The following CFAP58 variants were observed in gnomAD, a reference collection of about 807,000 sequenced individuals.
The protein encoded by CFAP58 is cilia- and flagella-associated protein 58.
Under a neutral mutation model 119.5 loss-of-function variants are expected in CFAP58, and 88 were observed. That is an observed-to-expected ratio of 0.74 (90% CI 0.62 to 0.88). The LOEUF is 0.88. Among genes scored for constraint, CFAP58 ranks in the 40% least tolerant of loss-of-function variants. The pLI, the probability that CFAP58 is intolerant of heterozygous loss-of-function variation, is 0.00. For synonymous variants in CFAP58, 365 were observed against 366.3 expected, an observed-to-expected ratio of 1.00 and a Z score of 0.04; for missense variants, 990 against 1,021.2, an observed-to-expected ratio of 0.97 and a Z score of 0.42.
intron 3 of CFAP58, among the ~76,000 whole-genome samples, chr10:104,364,322 G>T (rs1044935674): frequency 1.3e-5 from 2 of 151,804 alleles, no homozygotes; most frequent in African/African-American, 4.8e-5. Context: ...ACAAATTCAA[G>T]TAATACAGAG....
the CFAP58 span, among the ~76,000 whole-genome samples, chr10:104,345,390 G>T: frequency 3.3e-5 from 5 of 152,018 alleles, no homozygotes; most frequent in African/African-American, 1.2e-4. Context: ...TGGGATCTTG[G>T]TGTGTACTTG....
At position 104,439,011 on chromosome 10, in the gene CFAP58, A is replaced by G. The variant is rs144312681; in HGVS notation, c.2257-8687A>G. 3.9e-3 allele frequency among the ~76,000 whole-genome samples: 592 copies of G among 152,366 alleles called. 5 individuals carry two copies. The highest frequency in any genetic ancestry group is 0.013 in the African/African-American group (547 of 41,584). ...TTATTGAGGAAAACAAGCAAGCCAA[A>G]GAAAACTAGATACACTCAGATATAT... On this transcript the variant is annotated intron_variant, in intron 15 of 17. Transcript: ENST00000369704.
intron 15 of CFAP58, among the ~76,000 whole-genome samples, chr10:104,438,334 GTTTTTTGTTTTTTGTTTTTT>G (rs1456662078): frequency 1.4e-4 from 16 of 111,360 alleles, no homozygotes; most frequent in African/African-American, 4.7e-4. Flanking sequence ...TTGTTTTTTT[GTTTTTTGTTTTTTGTTTTTT>G]TTTTTTGTTT....
rs2014603541 is a variant in CFAP58 at position 104,357,971 on chromosome 10, A to G, written c.10-370A>G. Among the ~76,000 whole-genome samples, 2 of 62,674 alleles carry G rather than the reference A, an allele frequency of 3.2e-5. 1 individual carries two copies. The allele number at this position is 62,674 out of a possible 152,430, so 41.1% of individuals were successfully genotyped here. ...CACATATATACACATATATGTACAC[A>G]TATGTACATATGTACACATATATGT... On this transcript the variant is annotated intron_variant, in intron 1 of 17. Transcript: ENST00000369704.
intron 7 of CFAP58, among the ~76,000 whole-genome samples, chr10:104,376,269 G>A (rs942675735): frequency 1.3e-5 from 2 of 151,614 alleles, no homozygotes; most frequent in Non-Finnish European, 2.9e-5. Flanking sequence ...TGACTCCCCA[G>A]ACCTCTTAGA....
At chr10:104,424,253 G>C (rs1395177168) in intron 15 of CFAP58, among the ~76,000 whole-genome samples, 1 of 152,120 alleles carries the variant, frequency 6.6e-6, no homozygotes, top group South Asian at 2.1e-4. Context: ...CTCTGGAGCC[G>C]GTGCCAAATC....
rs71022730 is a variant in CFAP58 at position 104,374,453 on chromosome 10, G to GAA, written c.1091-2330_1091-2329dup. Among the ~76,000 whole-genome samples, 122 of 30,708 alleles carry GAA rather than the reference G, an allele frequency of 4.0e-3. 2 individuals are homozygous for GAA. Among genetic ancestry groups the GAA allele is most frequent in the Middle Eastern group, 0.028 (1 of 36 alleles). The allele number at this position is 30,708 out of a possible 152,430, so 20.1% of individuals were successfully genotyped here. A position where few individuals can be genotyped will look rare whatever the true frequency, so the allele number is the denominator to read the frequency against. On this transcript the variant is annotated intron_variant, in intron 7 of 17. Coordinates refer to ENST00000369704, the MANE Select transcript of CFAP58 (RefSeq NM_001008723.2). ...GTGACAGAGCGAGACCTTGTTTCAG[G>GAA]AAAAAAAAAAAAAAAAAAAAAAAAA...
At chr10:104,405,839 A>T (rs2012349323) in intron 14 of CFAP58, among the ~76,000 whole-genome samples, 1 of 152,198 alleles carries the variant, frequency 6.6e-6, no homozygotes, top group South Asian at 2.1e-4. Flanking sequence ...GGCTGGGCAC[A>T]GTGGCTCACA....
At position 104,453,761 on chromosome 10, in the gene CFAP58, A is replaced by AGTGTGTGTGTGTGT. The variant is rs56666132; in HGVS notation, c.2511-638_2511-625dup. Among the ~76,000 whole-genome samples, 987 of 138,904 alleles carry AGTGTGTGTGTGTGT rather than the reference A, an allele frequency of 7.1e-3. 4 individuals carry two copies. Among genetic ancestry groups the AGTGTGTGTGTGTGT allele is most frequent in the African/African-American group, 0.011 (413 of 37,322 alleles). 91.1% of individuals were successfully genotyped at this position (138,904 alleles called of 152,430 possible). A position where few individuals can be genotyped will look rare whatever the true frequency, so the allele number is the denominator to read the frequency against. ...TACTTCTGCAGGAAACATGAATATG[A>AGTGTGTGTGTGTGT]GTGTGTGTGTGTGTGTGTGTGTGTG... On this transcript the variant is annotated intron_variant, in intron 17 of 17. Coordinates refer to ENST00000369704, the MANE Select transcript of CFAP58 (RefSeq NM_001008723.2).
intron 12 of CFAP58, 30 bp downstream of exon 12, chr10:104,399,530 C>A (rs750819066): frequency 2.5e-6 from 4 of 1,607,396 alleles, no homozygotes; most frequent in African/African-American, 2.7e-5. Flanking sequence ...GACTTGCAGA[C>A]CTTGTCAACA....
intron 15 of CFAP58, among the ~76,000 whole-genome samples, chr10:104,419,767 A>G (rs1015280524): frequency 6.6e-6 from 1 of 152,166 alleles, no homozygotes; most frequent in Non-Finnish European, 1.5e-5. Context: ...GGGAGATTAT[A>G]TTAACATATA....
chr10:104,451,115 C>T (rs748138974), intron 17 of CFAP58, among the ~76,000 whole-genome samples: 12 of 152,230 alleles, frequency 7.9e-5, no homozygotes, highest in Non-Finnish European at 1.6e-4. Context: ...GGTTTGGCTG[C>T]GTGACATTGC....
chr10:104,412,579 G>A (rs1297767306), intron 15 of CFAP58, among the ~76,000 whole-genome samples: 3 of 152,184 alleles, frequency 2.0e-5, no homozygotes, highest in Non-Finnish European at 4.4e-5. Context: ...TATTAGAGAA[G>A]TTCTCTGTAC....
intron 11 of CFAP58, among the ~76,000 whole-genome samples, chr10:104,398,957 G>A (rs61861168): frequency 0.15 from 23,109 of 152,046 alleles, 1,968 homozygotes; most frequent in Middle Eastern, 0.32. Flanking sequence ...GCCATTACAG[G>A]AGCTGGTACA....
At chr10:104,441,893 T>C (rs11192057) in intron 15 of CFAP58, among the ~76,000 whole-genome samples, 1,836 of 152,302 alleles carry the variant, frequency 0.012, 19 homozygotes, top group Middle Eastern at 0.031. Context: ...AGCTGACATC[T>C]TCGTTATAAA....
chr10:104,354,581 TC>T (rs2014515568), intron 1 of CFAP58, among the ~76,000 whole-genome samples: 1 of 151,912 alleles, frequency 6.6e-6, no homozygotes, highest in South Asian at 2.1e-4. Context: ...GAGCCTCGGG[TC>T]CCTGTCATTA....
At chr10:104,357,817 A>G (rs547023713) in intron 1 of CFAP58, among the ~76,000 whole-genome samples, 2 of 147,810 alleles carry the variant, frequency 1.4e-5, no homozygotes, top group East Asian at 2.0e-4. Context: ...ATATATATGT[A>G]CATATATACA....
intron 1 of CFAP58, among the ~76,000 whole-genome samples, chr10:104,355,182 T>A (rs1462649121): frequency 1.3e-5 from 2 of 152,230 alleles, no homozygotes; most frequent in Non-Finnish European, 2.9e-5. Context: ...TTTCCTTTCT[T>A]GTTCCTTCTA....
intron 9 of CFAP58, among the ~76,000 whole-genome samples, chr10:104,383,274 A>G (rs1251509854): frequency 6.6e-6 from 1 of 152,194 alleles, no homozygotes; most frequent in Non-Finnish European, 1.5e-5. Context: ...GATGATTATC[A>G]ATCTATAGTG....
Sources: allele counts gnomAD v4.1 joint callset (sites outside exome capture counted in the v4.1 genomes callset), GRCh38; gene constraint gnomAD v4.1.1; transcripts MANE v1.5; gene names NCBI Gene and HGNC (gene_info 2026-07-23, HGNC 2026-07-21).